TMEM45A: variants seen among roughly 807,000 people sequenced by gnomAD.
The protein encoded by TMEM45A is DNA polymerase-transactivated protein 4.
In TMEM45A, 25 loss-of-function variants were observed where a neutral mutation model predicts 32.0. The observed-to-expected ratio is 0.78, with a 90% CI of 0.57 to 1.09. The LOEUF (loss-of-function observed/expected upper bound fraction) is 1.09. Ranked by LOEUF, TMEM45A falls within the 50% of genes least tolerant of loss-of-function variation. The probability of loss-of-function intolerance (pLI) is 0.00; values close to 1 mark genes in which losing one functional copy is unlikely to be tolerated. For missense variants in TMEM45A, 302 were observed against 325.0 expected (o/e 0.93, Z 0.54); for synonymous variants, 122 against 114.8 (o/e 1.06, Z -0.40).
chr3:100,558,939 A>T (rs188273394), intron 4 of TMEM45A, among the ~76,000 whole-genome samples: 93 of 152,356 alleles, frequency 6.1e-4, no homozygotes, highest in Non-Finnish European at 1.2e-3. Context: ...ACTGTTATTT[A>T]TTGAGAAATA....
chr3:100,514,675 C>G (rs1248324885), intron 1 of TMEM45A, among the ~76,000 whole-genome samples: 6 of 152,162 alleles, frequency 3.9e-5, no homozygotes, highest in South Asian at 4.1e-4. Context: ...AAACTACCAT[C>G]AGAGTGAACA....
At chr3:100,567,382 A>G (rs1706463619) in intron 4 of TMEM45A, among the ~76,000 whole-genome samples, 1 of 151,982 alleles carries the variant, frequency 6.6e-6, no homozygotes, top group African/African-American at 2.4e-5. Context: ...TCATTATGCC[A>G]GTATCACACT....
At chr3:100,538,723 T>C (rs1214141845) in intron 1 of TMEM45A, among the ~76,000 whole-genome samples, 1 of 152,154 alleles carries the variant, frequency 6.6e-6, no homozygotes, top group Non-Finnish European at 1.5e-5. Context: ...AGCAATGTTT[T>C]AGGTGACAAG....
chr3:100,511,526 A>G lies in TMEM45A; in HGVS notation c.-4+18598A>G, dbSNP rs551391103. Among the ~76,000 whole-genome samples, 10 of 152,340 alleles carry G rather than the reference A, an allele frequency of 6.6e-5. 1 individual carries two copies. In the South Asian group the frequency reaches 2.1e-3, roughly 32 times the overall value. On this transcript the variant is annotated intron_variant, in intron 1 of 5. Transcript: ENST00000323523. ...ACCAGCCGCTGCAAAATCATGCCAA[A>G]ATGTAAAGACCAACGAGACTAGGAA...
chr3:100,519,234 T>C (rs1170623084), intron 1 of TMEM45A: 1 of 327,800 alleles, frequency 3.1e-6, no homozygotes, highest in African/African-American at 2.1e-5. Context: ...CATTAAGCAG[T>C]ATCTCCCAGC....
intron 1 of TMEM45A, among the ~76,000 whole-genome samples, chr3:100,502,067 T>A (rs1166908311): frequency 6.6e-6 from 1 of 152,210 alleles, no homozygotes; most frequent in African/African-American, 2.4e-5. Context: ...AATATCAAAC[T>A]GTTGGGATTA....
At chr3:100,555,424 T>C (rs545042972) in intron 2 of TMEM45A, 23 bp downstream of exon 2, 1 of 1,583,058 alleles carries the variant, frequency 6.3e-7, no homozygotes, top group East Asian at 2.2e-5. Context: ...TTCTGTGTTC[T>C]ATTTTTACCT....
chr3:100,548,899 G>C (rs965657339), intron 1 of TMEM45A, among the ~76,000 whole-genome samples: 1 of 152,042 alleles, frequency 6.6e-6, no homozygotes, highest in Non-Finnish European at 1.5e-5. Flanking sequence ...TTCGGTTTTG[G>C]CCATGACTTC....
chr3:100,518,823 G>T (rs906154876), intron 1 of TMEM45A, among the ~76,000 whole-genome samples: 1 of 152,198 alleles, frequency 6.6e-6, no homozygotes, highest in Non-Finnish European at 1.5e-5. Context: ...GGGTGGCCCT[G>T]TTCCCTGTGG....
intron 1 of TMEM45A, among the ~76,000 whole-genome samples, chr3:100,552,068 T>A (rs541004607): frequency 6.6e-6 from 1 of 152,322 alleles, no homozygotes; most frequent in South Asian, 2.1e-4. Flanking sequence ...GGCCTGGATT[T>A]TAAAATTTCA....
rs548096964 is a variant in TMEM45A at position 100,577,337 on chromosome 3, C to T, written c.*319C>T. 4.6e-6 allele frequency: 1 copy of T among 216,688 alleles called. No homozygotes were observed. The highest frequency in any genetic ancestry group is 9.0e-6 in the Non-Finnish European group (1 of 110,978). The allele number at this position is 216,688 out of a possible 1,614,324, so 13.4% of individuals were successfully genotyped here. On this transcript the variant is annotated 3_prime_UTR_variant, in exon 6 of 6. Transcript: ENST00000323523. The stretch of plus-strand genomic sequence containing the variant: ...GTTTTATTTGCCTTATAGATATGCT[C>T]AAGGTTACTGGGCTTGCTACTATTT...
intron 1 of TMEM45A, among the ~76,000 whole-genome samples, chr3:100,507,193 G>T (rs571383010): frequency 1.3e-4 from 20 of 152,286 alleles, no homozygotes; most frequent in African/African-American, 4.8e-4. Context: ...AATTCAACCT[G>T]ACACTCTGTC....
intron 1 of TMEM45A, among the ~76,000 whole-genome samples, chr3:100,516,755 G>A (rs1375018332): frequency 9.2e-5 from 14 of 151,964 alleles, no homozygotes; most frequent in Non-Finnish European, 2.1e-4. Context: ...ACCACCTTAC[G>A]GGATCCTTCT....
intron 4 of TMEM45A, among the ~76,000 whole-genome samples, chr3:100,561,819 A>T (rs924773082): frequency 2.6e-5 from 4 of 152,124 alleles, no homozygotes; most frequent in African/African-American, 9.7e-5. Context: ...CTTCCACTGC[A>T]TCTCCCAGCT....
chr3:100,560,154 A>G (rs1264615027), intron 4 of TMEM45A, among the ~76,000 whole-genome samples: 1 of 152,032 alleles, frequency 6.6e-6, no homozygotes, highest in Non-Finnish European at 1.5e-5. Context: ...CTCACTTTCT[A>G]ATAGAAGTCT....
chr3:100,505,965 C>G (rs1708074031), intron 1 of TMEM45A, among the ~76,000 whole-genome samples: 1 of 152,036 alleles, frequency 6.6e-6, no homozygotes, highest in African/African-American at 2.4e-5. Flanking sequence ...AACAGAGTAC[C>G]AGGAATGAGA....
Position 100,556,814 on chromosome 3 carries a change from A to G in TMEM45A, c.245A>G (p.Tyr82Cys). 1 of 1,614,114 alleles carries G rather than the reference A, an allele frequency of 6.2e-7. No homozygotes were observed. Among genetic ancestry groups the G allele is most frequent in the Non-Finnish European group, 8.5e-7 (1 of 1,180,002 alleles). Residue 82 changes from tyrosine (Y) to cysteine (C), a missense_variant, in exon 3 of 6, where the codon TAT becomes TGT. Tyr to Cys is a radical substitution (Grantham distance 194). Coordinates refer to ENST00000323523, the MANE Select transcript of TMEM45A (RefSeq NM_018004.3). ...GGGCCCCATCTGATGTTATATGACT[A>G]TAAACAAGGTCACTGGAATCAACTC... ...PGGPHLMLYD[Y>C]KQGHWNQLLG...
chr3:100,572,498 T>G (rs1706585624), intron 5 of TMEM45A: 1 of 151,236 alleles, frequency 6.6e-6, no homozygotes, highest in Admixed American at 6.6e-5. Context: ...TTCTGGATAC[T>G]AGCCCTTTGT....
chr3:100,569,007 G>C (rs1383935457), intron 5 of TMEM45A, 40 bp downstream of exon 5: 2 of 1,579,634 alleles, frequency 1.3e-6, no homozygotes, highest in African/African-American at 2.7e-5. Flanking sequence ...TCTGTTCCTT[G>C]GTATGTGATT....
Sources: gnomAD v4.1 joint callset for allele counts (sites outside exome capture counted in the v4.1 genomes callset) on GRCh38, gnomAD v4.1.1 for gene constraint, MANE v1.5 for transcripts, NCBI Gene and HGNC (gene_info 2026-07-23, HGNC 2026-07-21) for gene names.